JRK: variants seen among roughly 807,000 people sequenced by gnomAD.
JRK encodes the protein Jrk helix-turn-helix protein.
For synonymous variants in JRK, 303 were observed against 218.1 expected (o/e 1.39, Z -3.43); for missense variants, 720 against 509.2 (o/e 1.41, Z -3.98).
In JRK at chr8:142,661,188, C is replaced by T; in HGVS notation, c.*3164G>A. On this transcript the variant is annotated 3_prime_UTR_variant, in exon 2 of 2. Coordinates refer to ENST00000612905, the MANE Select transcript of JRK (RefSeq NM_003724.4). ...ACCCTCCTATGCAGGAGACAGACAA[C>T]TTCCAGGACAGCGTGCCTGGGGTGC... is the stretch of plus-strand genomic sequence containing the variant. 2.0e-6 allele frequency: 2 copies of T among 985,544 alleles called. No individual in the cohort carries two copies. The highest frequency in any genetic ancestry group is 2.4e-6 in the Non-Finnish European group (2 of 830,002). The allele number at this position is 985,544 out of a possible 1,614,324, so 61.0% of individuals were successfully genotyped here.
In JRK at chr8:142,663,719, C is replaced by T. The variant is rs1295402496; in HGVS notation, c.*633G>A. 15 of 985,308 alleles carry T rather than the reference C, an allele frequency of 1.5e-5. No homozygotes were observed. Among genetic ancestry groups the T allele is most frequent in the African/African-American group, 5.2e-5 (3 of 57,228 alleles). 61.0% of individuals were successfully genotyped at this position (985,308 alleles called of 1,614,324 possible). ...GCCAGAGCCCATGGGACAGGATCTG[C>T]GGGTAACAGAGGATGGTTCCAGAGT... On this transcript the variant is annotated 3_prime_UTR_variant, in exon 2 of 2. Transcript: ENST00000612905.
chr8:142,665,757 C>T lies in JRK; in HGVS notation c.302G>A (p.Arg101His), dbSNP rs781878571. The change falls in exon 2 of 2, where the codon CGC becomes CAC. Residue 101 changes from arginine to histidine, a missense_variant. Transcript: ENST00000612905. The part of the protein sequence containing the change: ...RVLYEWFLGK[R>H]SEGVPVSGPM... Reference sequence around the variant, plus strand: ...GCCTGACACGGGGACGCCCTCGGAGCGCTTCCCCAGGAACCACTCGTACAG... The same window carrying T: ...GCCTGACACGGGGACGCCCTCGGAGTGCTTCCCCAGGAACCACTCGTACAG... 7.7e-6 allele frequency: 6 copies of T among 775,360 alleles called. No homozygotes were observed. The highest frequency in any genetic ancestry group is 4.1e-5 in the South Asian group (3 of 73,738). 48.0% of individuals were successfully genotyped at this position (775,360 alleles called of 1,614,324 possible).
rs782003025 is a variant in JRK at position 142,664,623 on chromosome 8, G to C, written c.1436C>G (p.Pro479Arg). 1 of 1,610,834 alleles carries C rather than the reference G, an allele frequency of 6.2e-7. No individual in the cohort carries two copies. The highest frequency in any genetic ancestry group is 1.7e-5 in the Admixed American group (1 of 59,844). ...PKADQDGRGD[P>R]GEGEEVAWEQ... ...CCAGGCCACCTCCTCGCCCTCACCA[G>C]GATCTCCTCTGCCGTCCTGGTCAGC... The change falls in exon 2 of 2, where the codon CCT (proline) becomes CGT (arginine). Residue 479 changes from proline (P) to arginine (R), a missense_variant. Pro to Arg is a moderately radical substitution (Grantham distance 103, BLOSUM62 -2). Coordinates refer to ENST00000612905, the MANE Select transcript of JRK (RefSeq NM_003724.4).
chr8:142,659,751 G>C lies in JRK; in HGVS notation c.*4601C>G. ...GTGCACTGCTCAAGGTCATGCAGCT[G>C]GTGAACAGCAGGGAGTGAGCAGTGG... is the stretch of plus-strand genomic sequence containing the variant. On this transcript the variant is annotated 3_prime_UTR_variant, in exon 2 of 2. Transcript: ENST00000612905. 9 of 985,498 alleles carry C rather than the reference G, an allele frequency of 9.1e-6. No individual in the cohort carries two copies. The highest frequency in any genetic ancestry group is 9.6e-6 in the Non-Finnish European group (8 of 829,962). The allele number at this position is 985,498 out of a possible 1,614,324, so 61.0% of individuals were successfully genotyped here.
At position 142,663,692 on chromosome 8, in the gene JRK, G is replaced by C. The variant is rs587662907; in HGVS notation, c.*660C>G. 7 of 985,462 alleles carry C rather than the reference G, an allele frequency of 7.1e-6. No individual in the cohort carries two copies. The South Asian group carries it at 1.9e-4, about 26-fold the overall frequency. The allele number at this position is 985,462 out of a possible 1,614,324, so 61.0% of individuals were successfully genotyped here. A position where few individuals can be genotyped will look rare whatever the true frequency, so the allele number is the denominator to read the frequency against. ...CTCCGTGGGGCCCCCCAACATCTTGGGGCCAGAGCCCATGGGACAGGATCT... is the reference window on the plus strand; with the variant it reads ...CTCCGTGGGGCCCCCCAACATCTTGCGGCCAGAGCCCATGGGACAGGATCT... On this transcript the variant is annotated 3_prime_UTR_variant, in exon 2 of 2. Coordinates refer to ENST00000612905, the MANE Select transcript of JRK (RefSeq NM_003724.4).
the JRK span, among the ~76,000 whole-genome samples, chr8:142,649,094 T>C: frequency 6.6e-6 from 1 of 152,196 alleles, no homozygotes; most frequent in Non-Finnish European, 1.5e-5. Context: ...TGTACCCCCA[T>C]TGTATCTAGG....
chr8:142,668,568 C>T (rs1554636648), intron 1 of JRK, among the ~76,000 whole-genome samples: 1 of 151,726 alleles, frequency 6.6e-6, no homozygotes, highest in Non-Finnish European at 1.5e-5. Flanking sequence ...CACGGAATCC[C>T]ACAGTAGCTT....
Position 142,663,858 on chromosome 8 carries a change from G to C in JRK, c.*494C>G, listed in dbSNP as rs995784352. 2 of 988,048 alleles carry C rather than the reference G, an allele frequency of 2.0e-6. No homozygotes were observed. Among genetic ancestry groups the C allele is most frequent in the Non-Finnish European group, 2.4e-6 (2 of 831,972 alleles). The allele number at this position is 988,048 out of a possible 1,614,324, so 61.2% of individuals were successfully genotyped here. A position where few individuals can be genotyped will look rare whatever the true frequency, so the allele number is the denominator to read the frequency against. ...CATCGGACCTCAGGCAACCGTGCTC[G>C]GGGTCCACCCAACACGGGGATGGCC... On this transcript the variant is annotated 3_prime_UTR_variant, in exon 2 of 2. Coordinates refer to ENST00000612905, the MANE Select transcript of JRK (RefSeq NM_003724.4).
At position 142,664,677 on chromosome 8, in the gene JRK, A is replaced by G. The variant is rs1847034431; in HGVS notation, c.1382T>C (p.Val461Ala). The G allele has an allele frequency of 6.2e-7, 1 of 1,610,892 alleles. No homozygotes were observed. Among genetic ancestry groups the G allele is most frequent in the Non-Finnish European group, 8.5e-7 (1 of 1,178,998 alleles). ...RPPAATSPAE[V>A]VWSSEKTPKA... is the part of the protein sequence containing the mutation. Reference sequence around the variant, plus strand: ...CGGAGTCTTTTCTGAACTCCACACAACCTCTGCTGGCGACGTGGCAGCAGG... The same window carrying G: ...CGGAGTCTTTTCTGAACTCCACACAGCCTCTGCTGGCGACGTGGCAGCAGG... Residue 461 changes from valine to alanine, a missense_variant, in exon 2 of 2, where the codon GTT becomes GCT. Physicochemically the swap from Val to Ala is moderately conservative, Grantham distance 64. Coordinates refer to ENST00000612905, the MANE Select transcript of JRK (RefSeq NM_003724.4).
rs1554634408 is a variant in JRK at position 142,660,828 on chromosome 8, CCTT to C, written c.*3521_*3523del. ...CTCCCAAGAATGGATGCAGTCTACA[CCTT>C]CTGCAAACCCCTGCCTCAAACCGTG... On this transcript the variant is annotated 3_prime_UTR_variant, in exon 2 of 2. Transcript: ENST00000612905. 1 of 985,528 alleles carries C rather than the reference CCTT, an allele frequency of 1.0e-6. No individual in the cohort carries two copies. The highest frequency in any genetic ancestry group is 1.1e-4 in the East Asian group (1 of 8,818). 61.0% of individuals were successfully genotyped at this position (985,528 alleles called of 1,614,324 possible).
rs1444027681 is a variant in JRK, at chr8:142,659,497, G to A, written c.*4855C>T. The A allele has an allele frequency of 5.5e-5, 54 of 986,160 alleles. No individual in the cohort carries two copies. The highest frequency in any genetic ancestry group is 6.3e-5 in the Non-Finnish European group (52 of 830,496). 61.1% of individuals were successfully genotyped at this position (986,160 alleles called of 1,614,324 possible). ...AAATGGCCGTGCTGACAGGCTCTCTGCGATAGGGCCCAGCCATGGCCAGTG... is the reference window on the plus strand; with the variant it reads ...AAATGGCCGTGCTGACAGGCTCTCTACGATAGGGCCCAGCCATGGCCAGTG... On this transcript the variant is annotated 3_prime_UTR_variant, in exon 2 of 2. Coordinates refer to ENST00000612905, the MANE Select transcript of JRK (RefSeq NM_003724.4).
chr8:142,653,690 C>T (rs1554633384), downstream of JRK, among the ~76,000 whole-genome samples: 1 of 152,160 alleles, frequency 6.6e-6, no homozygotes, highest in Non-Finnish European at 1.5e-5. Flanking sequence ...CTTTTGCATT[C>T]CTGACACCAG....
downstream of JRK, among the ~76,000 whole-genome samples, chr8:142,653,214 G>A (rs1385658268): frequency 5.9e-5 from 9 of 152,150 alleles, no homozygotes; most frequent in African/African-American, 1.4e-4. Context: ...AGCCACCCTC[G>A]TAATACTAAT....
Position 142,661,081 on chromosome 8 carries a change from A to G in JRK, c.*3271T>C, listed in dbSNP as rs1402253142. 3 of 985,320 alleles carry G rather than the reference A, an allele frequency of 3.0e-6. No individual in the cohort carries two copies. The highest frequency in any genetic ancestry group is 3.6e-6 in the Non-Finnish European group (3 of 829,970). 61.0% of individuals were successfully genotyped at this position (985,320 alleles called of 1,614,324 possible). ...GTCAGGGGCAGTCCAGGTGCTCTCC[A>G]TCGCATGCTCAGCCATGGCTGAGCA... On this transcript the variant is annotated 3_prime_UTR_variant, in exon 2 of 2. Transcript: ENST00000612905.
In JRK at chr8:142,665,002, G is replaced by A. The variant is rs782412043; in HGVS notation, c.1057C>T (p.Pro353Ser). 3 of 717,732 alleles carry A rather than the reference G, an allele frequency of 4.2e-6. No individual in the cohort carries two copies. Among genetic ancestry groups the A allele is most frequent in the Non-Finnish European group, 7.8e-6 (3 of 385,000 alleles). 44.5% of individuals were successfully genotyped at this position (717,732 alleles called of 1,614,324 possible). Residue 353 changes from proline (P) to serine (S), a missense_variant, in exon 2 of 2, where the codon CCC (proline) becomes TCC (serine). Physicochemically the swap from Pro to Ser is moderately conservative, Grantham distance 74 (BLOSUM62 -1). Transcript: ENST00000612905. ...TCGTTCATGTTGTAGCGGGCGTGGG[G>A]GCCCTGCAGGGGGACCGGAGGGTTA... Reference protein sequence around the residue: ...FINPPVPLQGPHARYNMNDAI... With the variant: ...FINPPVPLQGSHARYNMNDAI...
Position 142,662,646 on chromosome 8 carries a change from A to C in JRK, c.*1706T>G, listed in dbSNP as rs1191047917. 1 of 985,342 alleles carries C rather than the reference A, an allele frequency of 1.0e-6. No homozygotes were observed. Among genetic ancestry groups the C allele is most frequent in the Admixed American group, 6.1e-5 (1 of 16,270 alleles). The allele number at this position is 985,342 out of a possible 1,614,324, so 61.0% of individuals were successfully genotyped here. On this transcript the variant is annotated 3_prime_UTR_variant, in exon 2 of 2. Transcript: ENST00000612905. The stretch of plus-strand genomic sequence containing the variant: ...AGAAACACACACTTCCAGGACATAG[A>C]TAGGGCTCTGTCAGCAATGACTTTT...
chr8:142,657,284 C>T (rs1846773071), downstream of JRK, among the ~76,000 whole-genome samples: 1 of 152,126 alleles, frequency 6.6e-6, no homozygotes, highest in Admixed American at 6.5e-5. Flanking sequence ...GCTCGAGGGA[C>T]AGGAGCAGAA....
Position 142,660,317 on chromosome 8 carries a change from C to A in JRK, c.*4035G>T. ...CCACCCCTCACGGCTGCCACACCCACCAGCCCATGACTGTCCACATCCTGA... is the reference window on the plus strand; with the variant it reads ...CCACCCCTCACGGCTGCCACACCCAACAGCCCATGACTGTCCACATCCTGA... On this transcript the variant is annotated 3_prime_UTR_variant, in exon 2 of 2. Transcript: ENST00000612905. The A allele has an allele frequency of 1.0e-6, 1 of 985,782 alleles. No homozygotes were observed. The highest frequency in any genetic ancestry group is 1.2e-6 in the Non-Finnish European group (1 of 830,146). The allele number at this position is 985,782 out of a possible 1,614,324, so 61.1% of individuals were successfully genotyped here.
chr8:142,660,786 C>G lies in JRK; in HGVS notation c.*3566G>C. The G allele has an allele frequency of 1.0e-6, 1 of 985,476 alleles. No individual in the cohort carries two copies. Among genetic ancestry groups the G allele is most frequent in the Non-Finnish European group, 1.2e-6 (1 of 829,984 alleles). 61.0% of individuals were successfully genotyped at this position (985,476 alleles called of 1,614,324 possible). A position where few individuals can be genotyped will look rare whatever the true frequency, so the allele number is the denominator to read the frequency against. ...GGTCTTGATTTGTCCCAAGTTGTCGCTGCCCTGTGCCACAGCCTCCCAAGA... is the reference window on the plus strand; with the variant it reads ...GGTCTTGATTTGTCCCAAGTTGTCGGTGCCCTGTGCCACAGCCTCCCAAGA... On this transcript the variant is annotated 3_prime_UTR_variant, in exon 2 of 2. Transcript: ENST00000612905.
Sources: gnomAD v4.1 joint callset for allele counts (sites outside exome capture counted in the v4.1 genomes callset) on GRCh38, gnomAD v4.1.1 for gene constraint, MANE v1.5 for transcripts, NCBI Gene and HGNC (gene_info 2026-07-23, HGNC 2026-07-21) for gene names.